FBXO11: variants seen among roughly 807,000 people sequenced by gnomAD.
FBXO11 encodes F-box protein 11.
A neutral mutation model predicts 117.0 loss-of-function variants in FBXO11; 13 were observed. The observed-to-expected ratio is 0.11, with a 90% CI of 0.07 to 0.18. The LOEUF (loss-of-function observed/expected upper bound fraction) is 0.18. Ranked by LOEUF, FBXO11 falls within the 10% of genes least tolerant of loss-of-function variation. The probability of loss-of-function intolerance (pLI) is 1.00; values close to 1 mark genes in which losing one functional copy is unlikely to be tolerated. For missense variants in FBXO11, 767 were observed against 1,164.4 expected (o/e 0.66, Z 4.97); for synonymous variants, 490 against 380.5 (o/e 1.29, Z -3.35).
chr2:47,815,745 A>G (rs1355972191), intron 16 of FBXO11, among the ~76,000 whole-genome samples: 3 of 152,316 alleles, frequency 2.0e-5, no homozygotes, highest in Admixed American at 2.0e-4. Context: ...GGGCGTAAGA[A>G]TCCCAGATGT....
intron 18 of FBXO11, among the ~76,000 whole-genome samples, chr2:47,811,864 CCAGAG>C (rs1670637153): frequency 6.6e-6 from 1 of 152,196 alleles, no homozygotes; most frequent in Admixed American, 6.5e-5. Flanking sequence ...GCCTTAGCCT[CCAGAG>C]CAGCTGGAAG....
chr2:47,829,029 C>T (rs77380349), intron 11 of FBXO11, among the ~76,000 whole-genome samples: 1 of 150,986 alleles, frequency 6.6e-6, no homozygotes, highest in East Asian at 2.0e-4. Context: ...TCAAGTGATT[C>T]TCATGCCTCA....
chr2:47,814,348 A>T (rs532789663), intron 16 of FBXO11: 1 of 152,362 alleles, frequency 6.6e-6, no homozygotes, highest in African/African-American at 2.4e-5. Flanking sequence ...AAAAATGCTC[A>T]TAACAATCTA....
intron 1 of FBXO11, among the ~76,000 whole-genome samples, chr2:47,872,671 C>A (rs1675709648): frequency 6.6e-6 from 1 of 152,094 alleles, no homozygotes; most frequent in Non-Finnish European, 1.5e-5. Context: ...TTTTTGCACA[C>A]TTTATTACAA....
chr2:47,887,636 G>A (rs986326895), intron 1 of FBXO11, among the ~76,000 whole-genome samples: 2 of 152,078 alleles, frequency 1.3e-5, no homozygotes, highest in African/African-American at 4.8e-5. Flanking sequence ...TGAGGTGGGC[G>A]AACTGCTGGA....
chr2:47,853,424 T>C lies in FBXO11; in HGVS notation c.233-13655A>G, dbSNP rs115213671. Among the ~76,000 whole-genome samples, 637 of 152,288 alleles carry C rather than the reference T, an allele frequency of 4.2e-3. 2 individuals carry two copies. The highest frequency in any genetic ancestry group is 7.7e-3 in the South Asian group (37 of 4,832). On this transcript the variant is annotated intron_variant, in intron 1 of 22. Transcript: ENST00000403359. Reference sequence around the variant, plus strand: ...TTACATGTCATATTTTATTCAAATATATAAAAATACCAAAATATTAAATCA... The same window carrying C: ...TTACATGTCATATTTTATTCAAATACATAAAAATACCAAAATATTAAATCA...
Position 47,808,210 on chromosome 2 carries a change from G to T in FBXO11, c.2692C>A (p.Pro898Thr). ...CDCGAGTLSN[P>T]CTLAGEPTHD... ...GTAGGCTCACCAGCTAATGTACAAG[G>T]ATTAGACAGTGTTCCAGCACCACAG... The change falls in exon 23 of 23, where the codon CCT (proline) becomes ACT (threonine). Residue 898 changes from proline to threonine, a missense_variant. Physicochemically the swap from Pro to Thr is conservative, Grantham distance 38 (BLOSUM62 -1). Around this residue, in one of 10 missense-constraint regions of FBXO11, gnomAD observed 47 missense variants for 117.3 expected, o/e 0.40. Coordinates refer to ENST00000403359, the MANE Select transcript of FBXO11 (RefSeq NM_001190274.2). 6.2e-7 allele frequency: 1 copy of T among 1,613,394 alleles called. No homozygotes were observed. The highest frequency in any genetic ancestry group is 1.3e-5 in the African/African-American group (1 of 75,032).
intron 1 of FBXO11, among the ~76,000 whole-genome samples, chr2:47,862,342 A>G (rs1168578333): frequency 1.3e-5 from 2 of 152,260 alleles, no homozygotes; most frequent in Non-Finnish European, 2.9e-5. Flanking sequence ...CATTGGGACT[A>G]GAGCAGTAAT....
At chr2:47,855,495 T>C (rs1674216889) in intron 1 of FBXO11, among the ~76,000 whole-genome samples, 1 of 152,230 alleles carries the variant, frequency 6.6e-6, no homozygotes, top group East Asian at 1.9e-4. Flanking sequence ...ATGGACACCA[T>C]CAGTGTACAT....
At chr2:47,875,188 T>C (rs1281786654) in intron 1 of FBXO11, among the ~76,000 whole-genome samples, 1 of 152,182 alleles carries the variant, frequency 6.6e-6, no homozygotes, top group Non-Finnish European at 1.5e-5. Context: ...GTAAGAGTAA[T>C]TGTAAGTTGT....
At chr2:47,849,639 G>T (rs1358980864) in intron 1 of FBXO11, among the ~76,000 whole-genome samples, 2 of 152,204 alleles carry the variant, frequency 1.3e-5, no homozygotes, top group Non-Finnish European at 2.9e-5. Context: ...AGGTTAAGCA[G>T]AAAGTATTGA....
At chr2:47,827,393 A>ACCT (rs1671837216) in intron 11 of FBXO11, among the ~76,000 whole-genome samples, 1 of 151,988 alleles carries the variant, frequency 6.6e-6, no homozygotes. Context: ...TGCAACCTCT[A>ACCT]CCTCCTGGGT....
intron 1 of FBXO11, among the ~76,000 whole-genome samples, chr2:47,892,456 C>T (rs1224809349): frequency 6.6e-6 from 1 of 152,190 alleles, no homozygotes; most frequent in African/African-American, 2.4e-5. Context: ...TGTGATCAAC[C>T]TCCCTACATC....
chr2:47,816,355 A>G (rs1293334216), intron 16 of FBXO11, among the ~76,000 whole-genome samples: 2 of 151,828 alleles, frequency 1.3e-5, no homozygotes, highest in East Asian at 3.9e-4. Flanking sequence ...AATTTTTTCT[A>G]TTTTTTACAG....
intron 1 of FBXO11, among the ~76,000 whole-genome samples, chr2:47,904,249 A>T (rs1678556704): frequency 6.6e-6 from 1 of 152,330 alleles, no homozygotes; most frequent in Admixed American, 6.5e-5. Context: ...CAACTAAAAC[A>T]CGCAAAATGT....
chr2:47,839,209 T>C (rs1466164189), intron 3 of FBXO11, among the ~76,000 whole-genome samples: 5 of 152,118 alleles, frequency 3.3e-5, no homozygotes, highest in African/African-American at 1.2e-4. Flanking sequence ...ATGTGCCATC[T>C]CAGAAATGGT....
chr2:47,888,623 T>C (rs1340560927), intron 1 of FBXO11: 1 of 962,228 alleles, frequency 1.0e-6, no homozygotes, highest in Non-Finnish European at 1.2e-6. Context: ...AAGGTTAACT[T>C]ACTTTTAGGC....
At chr2:47,861,929 T>C (rs1034427225) in intron 1 of FBXO11, among the ~76,000 whole-genome samples, 5 of 151,430 alleles carry the variant, frequency 3.3e-5, no homozygotes, top group African/African-American at 1.2e-4. Context: ...TTTCTTGAGA[T>C]AGAATCTTGC....
At chr2:47,879,004 T>C (rs1178731642) in intron 1 of FBXO11, among the ~76,000 whole-genome samples, 1 of 151,984 alleles carries the variant, frequency 6.6e-6, no homozygotes, top group African/African-American at 2.4e-5. Flanking sequence ...TCCCAATCTT[T>C]CCACGTATTC....
Sources: allele counts gnomAD v4.1 joint callset (sites outside exome capture counted in the v4.1 genomes callset), GRCh38; gene constraint gnomAD v4.1.1; regional missense constraint gnomAD v4.1.1; transcripts MANE v1.5; gene names NCBI Gene and HGNC (gene_info 2026-07-23, HGNC 2026-07-21).